Variants in AUH observed in about 807,000 individuals in gnomAD.
AUH encodes the protein methylglutaconyl-CoA hydratase, mitochondrial.
AUH carries 29 observed loss-of-function variants against 42.3 expected under a neutral mutation model. The observed-to-expected ratio is 0.69, with a 90% CI of 0.51 to 0.93. The LOEUF is 0.93. AUH is among the 40% of genes least tolerant of loss of function. The probability of loss-of-function intolerance (pLI) is 0.00; values close to 1 mark genes in which losing one functional copy is unlikely to be tolerated. For missense variants in AUH, 452 were observed against 438.1 expected (o/e 1.03, Z -0.28); for synonymous variants, 174 against 166.4 (o/e 1.05, Z -0.35).
At chr9:91,253,222 T>A (rs1829230451) in intron 6 of AUH, among the ~76,000 whole-genome samples, 1 of 152,226 alleles carries the variant, frequency 6.6e-6, no homozygotes, top group Non-Finnish European at 1.5e-5. Flanking sequence ...CTAGTTACCA[T>A]TCTAATGTTT....
intron 6 of AUH, among the ~76,000 whole-genome samples, chr9:91,236,937 A>G (rs756715689): frequency 5.5e-4 from 84 of 152,344 alleles, no homozygotes; most frequent in Admixed American, 4.8e-3. Context: ...ATGGCAGGAA[A>G]AAAAACCCCA....
chr9:91,251,145 T>C (rs867498475), intron 6 of AUH, among the ~76,000 whole-genome samples: 8 of 152,086 alleles, frequency 5.3e-5, no homozygotes, highest in Non-Finnish European at 8.8e-5. Context: ...CTAGGTAAGG[T>C]AGACAGGATG....
intron 6 of AUH, chr9:91,294,940 AC>A: frequency 2.8e-6 from 1 of 352,680 alleles, no homozygotes; most frequent in South Asian, 2.2e-5. Flanking sequence ...CTGTGTCCCC[AC>A]CCAAATCTCA....
chr9:91,276,860 T>C (rs1346918345), intron 6 of AUH, among the ~76,000 whole-genome samples: 1 of 152,148 alleles, frequency 6.6e-6, no homozygotes, highest in African/African-American at 2.4e-5. Flanking sequence ...GTGGTTTTCT[T>C]CCCCAAGTAA....
chr9:91,264,229 AC>A (rs1829851170), intron 6 of AUH, among the ~76,000 whole-genome samples: 2 of 152,184 alleles, frequency 1.3e-5, no homozygotes, highest in Non-Finnish European at 2.9e-5. Context: ...TCATAATCTG[AC>A]CACTACAATA....
chr9:91,317,574 T>C (rs1829254223), intron 4 of AUH, among the ~76,000 whole-genome samples: 1 of 152,206 alleles, frequency 6.6e-6, no homozygotes, highest in African/African-American at 2.4e-5. Context: ...TTTTAGCTTT[T>C]TGATGGAGAC....
At chr9:91,220,052 CAAAAG>C (rs1295726489) in intron 7 of AUH, among the ~76,000 whole-genome samples, 1 of 152,192 alleles carries the variant, frequency 6.6e-6, no homozygotes, top group African/African-American at 2.4e-5. Flanking sequence ...GCTTACACAG[CAAAAG>C]AAGACTCTTT....
chr9:91,236,511 G>A (rs1484222226), intron 6 of AUH, among the ~76,000 whole-genome samples: 1 of 152,202 alleles, frequency 6.6e-6, no homozygotes, highest in African/African-American at 2.4e-5. Context: ...TGTGTGAGGA[G>A]AGAAGAGAGG....
At position 91,325,314 on chromosome 9, in the gene AUH, T is replaced by C. The variant is rs564592790; in HGVS notation, c.505+4A>G. The C allele has an allele frequency of 2.0e-5, 33 of 1,612,574 alleles. No homozygotes were observed. Among genetic ancestry groups the C allele is most frequent in the Non-Finnish European group, 2.6e-5 (31 of 1,178,814 alleles). ...TGCTGAAAGAAGAACTTAATAGTGC[T>C]TACCAATATCGTTAATCACTGCTCT... On this transcript the variant is annotated splice_donor_region_variant and intron_variant, in intron 4 of 9. Transcript: ENST00000375731.
chr9:91,339,662 C>T (rs1036133094), intron 3 of AUH, among the ~76,000 whole-genome samples: 4 of 152,160 alleles, frequency 2.6e-5, no homozygotes, highest in Admixed American at 2.0e-4. Flanking sequence ...ACATGTTGTA[C>T]CCAGATCTTG....
At chr9:91,321,249 C>T (rs1405883135) in intron 4 of AUH, among the ~76,000 whole-genome samples, 1 of 151,994 alleles carries the variant, frequency 6.6e-6, no homozygotes, top group Non-Finnish European at 1.5e-5. Flanking sequence ...GTCTTTAAAC[C>T]GCAAGTTTAA....
intron 4 of AUH, among the ~76,000 whole-genome samples, chr9:91,314,577 G>A (rs1050835277): frequency 6.7e-6 from 1 of 150,332 alleles, no homozygotes; most frequent in Non-Finnish European, 1.5e-5. Context: ...TGAAAATAAT[G>A]AGAAATAAAA....
chr9:91,357,964 G>A (rs942464603), intron 1 of AUH, among the ~76,000 whole-genome samples: 7 of 152,284 alleles, frequency 4.6e-5, no homozygotes, highest in East Asian at 1.9e-4. Flanking sequence ...TAAAACTGGC[G>A]GGGGAATAGT....
intron 6 of AUH, chr9:91,294,642 C>A (rs373300671): frequency 6.6e-6 from 3 of 451,536 alleles, no homozygotes; most frequent in African/African-American, 2.0e-5. Context: ...AAATTGAAAA[C>A]CTTCTGGAAA....
chr9:91,263,909 T>C lies in AUH; in HGVS notation c.655+32112A>G, dbSNP rs545333828. Reference sequence around the variant, plus strand: ...GTTGTGATTGTAAGTATACAGAATATGATTACATTCTCTGTTTCACCAAGT... The same window carrying C: ...GTTGTGATTGTAAGTATACAGAATACGATTACATTCTCTGTTTCACCAAGT... On this transcript the variant is annotated intron_variant, in intron 6 of 9. Transcript: ENST00000375731. 3.5e-4 allele frequency among the ~76,000 whole-genome samples: 53 copies of C among 152,336 alleles called. No homozygotes were observed. The South Asian group carries it at 6.4e-3, about 18-fold the overall frequency.
chr9:91,336,914 T>A (rs1830737896), intron 3 of AUH, among the ~76,000 whole-genome samples: 1 of 152,208 alleles, frequency 6.6e-6, no homozygotes, highest in African/African-American at 2.4e-5. Context: ...ATACTTTCAT[T>A]TTTAGATTTA....
chr9:91,301,772 T>C (rs1169782335), intron 4 of AUH, among the ~76,000 whole-genome samples: 2 of 152,114 alleles, frequency 1.3e-5, no homozygotes, highest in African/African-American at 4.8e-5. Flanking sequence ...GCCTTACAAT[T>C]TGTAAGAAAT....
At chr9:91,219,401 A>G (rs1827008132) in intron 7 of AUH, among the ~76,000 whole-genome samples, 1 of 152,240 alleles carries the variant, frequency 6.6e-6, no homozygotes, top group South Asian at 2.1e-4. Context: ...AAGGTAAGTT[A>G]TAACACCAAT....
intron 6 of AUH, among the ~76,000 whole-genome samples, chr9:91,255,195 T>C (rs1487883471): frequency 1.3e-5 from 2 of 152,210 alleles, no homozygotes; most frequent in African/African-American, 4.8e-5. Flanking sequence ...AGTTAAATGT[T>C]GGCATGATAT....
Sources: gnomAD v4.1 joint callset for allele counts (sites outside exome capture counted in the v4.1 genomes callset) on GRCh38, gnomAD v4.1.1 for gene constraint, MANE v1.5 for transcripts, NCBI Gene and HGNC (gene_info 2026-07-23, HGNC 2026-07-21) for gene names.